NALF1: variants seen among roughly 807,000 people sequenced by gnomAD.
The protein encoded by NALF1 is family with sequence similarity 155 member A.
A neutral mutation model predicts 48.4 loss-of-function variants in NALF1; 3 were observed. The ratio of observed to expected loss-of-function variants is 0.06; its 90% confidence interval spans 0.03 to 0.16. The LOEUF is 0.16. NALF1 is among the 10% of genes least tolerant of loss of function. The pLI, the probability that NALF1 is intolerant of heterozygous loss-of-function variation, is 1.00. For missense variants in NALF1, 526 were observed against 571.5 expected (o/e 0.92, Z 0.81); for synonymous variants, 262 against 245.7 (o/e 1.07, Z -0.62).
chr13:107,313,272 A>G (rs553333012), intron 1 of NALF1, among the ~76,000 whole-genome samples: 1 of 152,124 alleles, frequency 6.6e-6, no homozygotes, highest in East Asian at 1.9e-4. Context: ...GACTCAAGGC[A>G]TGAGTTTTCA....
chr13:107,321,036 T>G (rs1336245787), intron 1 of NALF1: 1 of 152,338 alleles, frequency 6.6e-6, no homozygotes, highest in African/African-American at 2.4e-5. Flanking sequence ...GCTAAGGAAG[T>G]CTAAAATGTG....
intron 1 of NALF1, among the ~76,000 whole-genome samples, chr13:107,401,465 C>G (rs538552567): frequency 1.4e-4 from 22 of 152,264 alleles, no homozygotes; most frequent in Non-Finnish European, 2.5e-4. Context: ...TTCTTGCCCA[C>G]TAGTAATGAT....
chr13:107,857,050 G>A lies in NALF1; in HGVS notation c.915+8632C>T, dbSNP rs757244703. Among the ~76,000 whole-genome samples the A allele has an allele frequency of 9.9e-5, 15 of 152,232 alleles. No homozygotes were observed. In the South Asian group the frequency reaches 1.0e-3, roughly 11 times the overall value. ...GACTTCCTTCCACAGGACAATTTTC[G>A]TCAAGTTAAAGAACCTTGCTGTGTC... On this transcript the variant is annotated intron_variant, in intron 1 of 2. Coordinates refer to ENST00000375915, the MANE Select transcript of NALF1 (RefSeq NM_001080396.3).
intron 1 of NALF1, among the ~76,000 whole-genome samples, chr13:107,275,501 T>A (rs1376823084): frequency 2.6e-5 from 4 of 152,150 alleles, no homozygotes; most frequent in Non-Finnish European, 5.9e-5. Flanking sequence ...ATATTAGTTG[T>A]CTATTATTGC....
intron 1 of NALF1, among the ~76,000 whole-genome samples, chr13:107,311,867 A>G (rs1226492264): frequency 2.0e-5 from 3 of 152,188 alleles, no homozygotes; most frequent in Non-Finnish European, 1.5e-5. Context: ...CAAAACCACA[A>G]TGAGATACCA....
At chr13:107,599,000 GAATCA>G (rs1334254349) in intron 1 of NALF1, among the ~76,000 whole-genome samples, 2 of 152,020 alleles carry the variant, frequency 1.3e-5, no homozygotes, top group African/African-American at 4.8e-5. Context: ...TCAAATTAAG[GAATCA>G]AATCATTTTG....
At chr13:107,290,700 G>A (rs1053813927) in intron 1 of NALF1, among the ~76,000 whole-genome samples, 3 of 152,020 alleles carry the variant, frequency 2.0e-5, no homozygotes, top group East Asian at 3.8e-4. Context: ...GTGTGAAAAC[G>A]GACTAATACA....
chr13:107,485,088 C>T (rs1158475389), intron 1 of NALF1, among the ~76,000 whole-genome samples: 1 of 152,088 alleles, frequency 6.6e-6, no homozygotes, highest in Non-Finnish European at 1.5e-5. Flanking sequence ...GATTTTTCAG[C>T]AAACTTCCTA....
At chr13:107,270,068 C>T (rs1351574279) in intron 1 of NALF1, among the ~76,000 whole-genome samples, 1 of 151,708 alleles carries the variant, frequency 6.6e-6, no homozygotes, top group Non-Finnish European at 1.5e-5. Context: ...CCGCGCCTGG[C>T]CAGAAATATG....
At chr13:107,244,831 T>C (rs1006127537) in intron 1 of NALF1, among the ~76,000 whole-genome samples, 2 of 152,188 alleles carry the variant, frequency 1.3e-5, no homozygotes, top group African/African-American at 4.8e-5. Context: ...ATGCTCAATA[T>C]TTGCCTACTA....
chr13:107,255,719 A>G (rs1880801208), intron 1 of NALF1, among the ~76,000 whole-genome samples: 1 of 152,192 alleles, frequency 6.6e-6, no homozygotes, highest in Admixed American at 6.6e-5. Context: ...TAATGTTGTT[A>G]TTATTATTAC....
intron 1 of NALF1, among the ~76,000 whole-genome samples, chr13:107,622,476 A>C (rs982808631): frequency 1.7e-4 from 25 of 149,148 alleles, no homozygotes; most frequent in South Asian, 6.3e-4. Flanking sequence ...AACAACAAAA[A>C]AAAAAAAACA....
chr13:107,736,667 G>A (rs147482865), intron 1 of NALF1, among the ~76,000 whole-genome samples: 87 of 152,232 alleles, frequency 5.7e-4, no homozygotes, highest in African/African-American at 1.9e-3. Flanking sequence ...CTTCTTTTCA[G>A]CTCAATCCTG....
At chr13:107,313,951 A>C (rs149975186) in intron 1 of NALF1, among the ~76,000 whole-genome samples, 42 of 152,228 alleles carry the variant, frequency 2.8e-4, no homozygotes, top group African/African-American at 1.0e-3. Context: ...TGTTGTCAGG[A>C]CCTCCTGAGG....
At chr13:107,221,189 C>T (rs1177756158) in intron 1 of NALF1, among the ~76,000 whole-genome samples, 1 of 152,086 alleles carries the variant, frequency 6.6e-6, no homozygotes, top group Non-Finnish European at 1.5e-5. Context: ...ATGTACACTA[C>T]TCAGGTGACC....
At chr13:107,602,639 G>T (rs955089270) in intron 1 of NALF1, among the ~76,000 whole-genome samples, 1 of 152,146 alleles carries the variant, frequency 6.6e-6, no homozygotes, top group Non-Finnish European at 1.5e-5. Context: ...ATTTGAGTTT[G>T]CCTTTAAATA....
At chr13:107,201,470 G>A (rs576612467) in intron 2 of NALF1, among the ~76,000 whole-genome samples, 4 of 152,232 alleles carry the variant, frequency 2.6e-5, no homozygotes, top group Admixed American at 6.5e-5. Flanking sequence ...CCAGCTACTC[G>A]GGAGGCTGAG....
chr13:107,424,841 T>C (rs555161874), intron 1 of NALF1, among the ~76,000 whole-genome samples: 1 of 152,358 alleles, frequency 6.6e-6, no homozygotes, highest in South Asian at 2.1e-4. Context: ...GATTCGTACA[T>C]AACAGTGCAT....
intron 1 of NALF1, among the ~76,000 whole-genome samples, chr13:107,684,227 C>G (rs995091726): frequency 3.9e-5 from 6 of 152,322 alleles, no homozygotes; most frequent in Admixed American, 3.9e-4. Flanking sequence ...TGCAGGGGAG[C>G]ACCTCGCTCC....
Sources: gnomAD v4.1 joint callset for allele counts (sites outside exome capture counted in the v4.1 genomes callset) on GRCh38, gnomAD v4.1.1 for gene constraint, MANE v1.5 for transcripts, NCBI Gene and HGNC (gene_info 2026-07-23, HGNC 2026-07-21) for gene names.